Variants in PLCG2 observed in about 807,000 individuals in gnomAD.
The protein encoded by PLCG2 is 1-phosphatidylinositol 4,5-bisphosphate phosphodiesterase gamma-2.
PLCG2 carries 69 observed loss-of-function variants against 175.6 expected under a neutral mutation model. That is an observed-to-expected ratio of 0.39 (90% CI 0.32 to 0.48). The LOEUF is 0.48. Among genes scored for constraint, PLCG2 ranks in the 20% least tolerant of loss-of-function variants. The pLI, the probability that PLCG2 is intolerant of heterozygous loss-of-function variation, is 0.91. For missense variants in PLCG2, 1,798 were observed against 1,650.9 expected (o/e 1.09, Z -1.54); for synonymous variants, 827 against 624.0 (o/e 1.33, Z -4.85).
intron 2 of PLCG2, chr16:81,766,899 C>T (rs1253188583): frequency 6.6e-6 from 1 of 152,228 alleles, no homozygotes; most frequent in Non-Finnish European, 1.5e-5. Context: ...AAGATCTTTT[C>T]CAAACTGGAA....
intron 2 of PLCG2, among the ~76,000 whole-genome samples, chr16:81,848,550 C>T (rs1317776748): frequency 1.3e-5 from 2 of 152,118 alleles, no homozygotes. Flanking sequence ...TTTTCTGTAC[C>T]TGGTCTCTCT....
At chr16:81,775,975 C>T (rs1348809202), upstream of PLCG2, among the ~76,000 whole-genome samples, 1 of 151,782 alleles carries the variant, frequency 6.6e-6, no homozygotes, top group African/African-American at 2.4e-5. Context: ...CAAATCCAGC[C>T]CCCACCACCC....
chr16:81,887,823 T>C (rs1908445648), intron 9 of PLCG2, among the ~76,000 whole-genome samples: 1 of 152,246 alleles, frequency 6.6e-6, no homozygotes, highest in Non-Finnish European at 1.5e-5. Flanking sequence ...ATATTTGGGA[T>C]TTCAGGGCAT....
intron 26 of PLCG2, 43 bp from the exon 27 acceptor site, chr16:81,936,126 G>C: frequency 1.2e-6 from 2 of 1,607,756 alleles, no homozygotes; most frequent in Non-Finnish European, 1.7e-6. Context: ...AAAATGCACA[G>C]ATGAGACACA....
chr16:81,919,764 T>A, intron 20 of PLCG2, 100 bp downstream of exon 20: 4 of 890,112 alleles, frequency 4.5e-6, no homozygotes, highest in Non-Finnish European at 7.1e-6. Flanking sequence ...TCACCATGTA[T>A]CTGATACTGC....
intron 2 of PLCG2, among the ~76,000 whole-genome samples, chr16:81,838,931 A>C (rs1905676300): frequency 6.6e-6 from 1 of 151,994 alleles, no homozygotes; most frequent in Admixed American, 6.6e-5. Context: ...TTTAGGTGAC[A>C]CCACTCTGAC....
chr16:81,920,923 G>A lies in PLCG2; in HGVS notation c.2236-275G>A, dbSNP rs994824681. ...CGGGAGGTCACTCCAGCACACCATC[G>A]CATCTTAGGATTTGTGCTTTTACAA... is the stretch of plus-strand genomic sequence containing the variant. On this transcript the variant is annotated intron_variant, in intron 20 of 32. Transcript: ENST00000564138. Among the ~76,000 whole-genome samples, 8 of 152,266 alleles carry A rather than the reference G, an allele frequency of 5.3e-5. No individual in the cohort carries two copies. The East Asian group carries it at 1.4e-3, about 26-fold the overall frequency.
At chr16:81,756,005 T>G (rs1909917130) in intron 2 of PLCG2, 1 of 153,032 alleles carries the variant, frequency 6.5e-6, no homozygotes, top group Non-Finnish European at 1.5e-5. Context: ...GACCAAACCC[T>G]GACTCCAGGC....
chr16:81,897,511 C>T (rs918079267), intron 13 of PLCG2, among the ~76,000 whole-genome samples: 20 of 151,162 alleles, frequency 1.3e-4, no homozygotes, highest in Admixed American at 7.9e-4. Flanking sequence ...TCAATAAGAT[C>T]GATTATTTTT....
chr16:81,928,615 T>G lies in PLCG2; in HGVS notation c.2572T>G (p.Tyr858Asp). The G allele has an allele frequency of 6.2e-7, 1 of 1,601,664 alleles. No homozygotes were observed. The change falls in exon 24 of 33, where the codon TAT (tyrosine) becomes GAT (aspartate). Residue 858 changes from tyrosine to aspartate, a missense_variant. Physicochemically the swap from Tyr to Asp is radical, Grantham distance 160. Transcript: ENST00000564138. ...CAGAGGAATATTGGACCTCAATACC[T>G]ATAACGTCGGTACGTGCACACATCA... ...LCRGILDLNTYNVVKAPQGKN... is the reference protein window; with the variant it reads ...LCRGILDLNTDNVVKAPQGKN...
chr16:81,918,487 C>G (rs1178805304), intron 19 of PLCG2, among the ~76,000 whole-genome samples: 1 of 152,080 alleles, frequency 6.6e-6, no homozygotes. Context: ...TTTCCCAACC[C>G]TACTTATTTA....
intron 2 of PLCG2, among the ~76,000 whole-genome samples, chr16:81,803,374 A>G (rs1175025871): frequency 6.6e-6 from 1 of 151,926 alleles, no homozygotes; most frequent in Non-Finnish European, 1.5e-5. Context: ...GTTCGTTCAT[A>G]TTGTAGCATA....
At chr16:81,952,040 G>T (rs1192965598) in intron 31 of PLCG2, among the ~76,000 whole-genome samples, 1 of 152,028 alleles carries the variant, frequency 6.6e-6, no homozygotes, top group South Asian at 2.1e-4. Flanking sequence ...TGTGGTGTGG[G>T]AGGAAGGGAC....
At chr16:81,829,078 C>A (rs1488322418) in intron 2 of PLCG2, among the ~76,000 whole-genome samples, 1 of 152,078 alleles carries the variant, frequency 6.6e-6, no homozygotes, top group Non-Finnish European at 1.5e-5. Flanking sequence ...CTGTGATTTT[C>A]ATTCATTAAT....
intron 10 of PLCG2, 186 bp downstream of exon 10, chr16:81,889,459 G>A (rs759307406): frequency 5.7e-6 from 3 of 522,652 alleles, no homozygotes; most frequent in Non-Finnish European, 1.0e-5. Context: ...CTAGATTACT[G>A]TAACTGTAAC....
chr16:81,933,905 A>C (rs1374284840), intron 25 of PLCG2, among the ~76,000 whole-genome samples: 2 of 152,206 alleles, frequency 1.3e-5, no homozygotes, highest in African/African-American at 4.8e-5. Flanking sequence ...GTACCTCCTG[A>C]GTCCATGGCA....
At chr16:81,819,841 C>G (rs963019674) in intron 2 of PLCG2, among the ~76,000 whole-genome samples, 9 of 152,204 alleles carry the variant, frequency 5.9e-5, no homozygotes, top group African/African-American at 2.2e-4. Context: ...GCCTCAGCCT[C>G]CCAAAGTGCT....
intron 2 of PLCG2, among the ~76,000 whole-genome samples, chr16:81,786,718 T>A (rs4889382): frequency 0.37 from 55,836 of 152,122 alleles, 10,505 homozygotes; most frequent in South Asian, 0.44. Context: ...TACCTCCGTT[T>A]GATTGGGCAG....
At chr16:81,944,707 T>G (rs1195522005) in intron 30 of PLCG2, among the ~76,000 whole-genome samples, 1 of 152,128 alleles carries the variant, frequency 6.6e-6, no homozygotes, top group Non-Finnish European at 1.5e-5. Context: ...AATTCCTGGC[T>G]TCAAGTGATC....
Sources: gnomAD v4.1 joint callset for allele counts (sites outside exome capture counted in the v4.1 genomes callset) on GRCh38, gnomAD v4.1.1 for gene constraint, MANE v1.5 for transcripts, NCBI Gene and HGNC (gene_info 2026-07-23, HGNC 2026-07-21) for gene names.